The following WIF1 variants were observed in gnomAD, a reference collection of about 807,000 sequenced individuals.
The protein encoded by WIF1 is Wnt inhibitory factor 1.
In WIF1, 35 loss-of-function variants were observed where a neutral mutation model predicts 53.5. That is an observed-to-expected ratio of 0.65 (90% CI 0.50 to 0.87). The LOEUF is 0.87. Among genes scored for constraint, WIF1 ranks in the 40% least tolerant of loss-of-function variants. WIF1 has a pLI of 0.00. For missense variants in WIF1, 467 were observed against 476.8 expected (o/e 0.98, Z 0.19); for synonymous variants, 171 against 170.4 (o/e 1.00, Z -0.03).
intron 3 of WIF1, among the ~76,000 whole-genome samples, chr12:65,073,456 G>A (rs1882812865): frequency 6.6e-6 from 1 of 152,144 alleles, no homozygotes; most frequent in Admixed American, 6.5e-5. Flanking sequence ...TCATGAAACT[G>A]TTTTTTGTTA....
intron 2 of WIF1, among the ~76,000 whole-genome samples, chr12:65,087,872 C>T (rs1883064394): frequency 6.6e-6 from 1 of 151,876 alleles, no homozygotes; most frequent in East Asian, 1.9e-4. Flanking sequence ...TTTCAAAGTC[C>T]AAAACTAGTC....
chr12:65,095,437 T>C (rs1883189254), intron 2 of WIF1, among the ~76,000 whole-genome samples: 1 of 152,194 alleles, frequency 6.6e-6, no homozygotes, highest in Non-Finnish European at 1.5e-5. Flanking sequence ...ACATTCATTG[T>C]ACTCATTGCA....
chr12:65,060,912 A>G (rs1392761909), intron 7 of WIF1, among the ~76,000 whole-genome samples: 1 of 152,176 alleles, frequency 6.6e-6, no homozygotes, highest in Admixed American at 6.6e-5. Context: ...GTGGTAAAAC[A>G]AAAAACCAAG....
intron 6 of WIF1, among the ~76,000 whole-genome samples, chr12:65,065,649 C>T (rs934575596): frequency 2.6e-5 from 4 of 152,082 alleles, no homozygotes; most frequent in Non-Finnish European, 4.4e-5. Flanking sequence ...TAAAGAGACA[C>T]TTTTAAAGAA....
At position 65,056,079 on chromosome 12, in the gene WIF1, TTTTACCAATGCA is replaced by T; in HGVS notation, c.862_873del (p.Cys288_Lys291del). On this transcript the variant is annotated inframe_deletion, in exon 8 of 10. Coordinates refer to ENST00000286574, the MANE Select transcript of WIF1 (RefSeq NM_007191.5). ...TAACCTTTGGAACACTTACATTTGC[TTTTACCAATGCA>T]TTTACCTCCATTTCGACAGGGTTGT... is the stretch of plus-strand genomic sequence containing the variant. 1 of 1,614,148 alleles carries T rather than the reference TTTTACCAATGCA, an allele frequency of 6.2e-7. No homozygotes were observed. Among genetic ancestry groups the T allele is most frequent in the Non-Finnish European group, 8.5e-7 (1 of 1,180,000 alleles).
intron 2 of WIF1, among the ~76,000 whole-genome samples, chr12:65,080,705 C>T (rs891811229): frequency 9.9e-5 from 15 of 152,246 alleles, no homozygotes; most frequent in African/African-American, 3.6e-4. Flanking sequence ...AACAATCACA[C>T]AATAAACTTG....
chr12:65,120,798 C>T, intron 1 of WIF1: 2 of 777,894 alleles, frequency 2.6e-6, no homozygotes, highest in Non-Finnish European at 3.8e-6. Context: ...CAAAAAAATG[C>T]CGGGTGCACC....
intron 2 of WIF1, among the ~76,000 whole-genome samples, chr12:65,107,744 C>T (rs1358999288): frequency 1.3e-5 from 2 of 152,196 alleles, no homozygotes; most frequent in African/African-American, 4.8e-5. Context: ...AACAAGGCAT[C>T]CTAATAAGCA....
intron 2 of WIF1, among the ~76,000 whole-genome samples, chr12:65,103,789 G>A (rs899705829): frequency 4.6e-5 from 7 of 152,166 alleles, no homozygotes; most frequent in African/African-American, 1.7e-4. Context: ...GGTGACTAAG[G>A]TGTGACCCTG....
At position 65,077,841 on chromosome 12, in the gene WIF1, TAGA is replaced by T; in HGVS notation, c.299_301del (p.Phe100del). The T allele has an allele frequency of 6.2e-7, 1 of 1,613,572 alleles. No individual in the cohort carries two copies. Among genetic ancestry groups the T allele is most frequent in the Non-Finnish European group, 8.5e-7 (1 of 1,179,694 alleles). ...CAGGGAGCGCAAGGACAGGAATTCA[TAGA>T]AGTATTCTGCCTACAACCAAAGGCA... On this transcript the variant is annotated inframe_deletion, in exon 3 of 10. Coordinates refer to ENST00000286574, the MANE Select transcript of WIF1 (RefSeq NM_007191.5).
chr12:65,087,932 T>C (rs1366886053), intron 2 of WIF1, among the ~76,000 whole-genome samples: 1 of 152,204 alleles, frequency 6.6e-6, no homozygotes, highest in Non-Finnish European at 1.5e-5. Flanking sequence ...AATTTTATTT[T>C]ACACTTTAGA....
At chr12:65,072,431 T>A (rs982771560) in intron 3 of WIF1, among the ~76,000 whole-genome samples, 2 of 152,224 alleles carry the variant, frequency 1.3e-5, no homozygotes, top group Non-Finnish European at 2.9e-5. Context: ...GATTTAATTA[T>A]GGTTTGCATC....
chr12:65,055,197 G>A lies in WIF1; in HGVS notation c.939C>T (p.Gly313=). 6.2e-7 allele frequency: 1 copy of A among 1,613,916 alleles called. No individual in the cohort carries two copies. The highest frequency in any genetic ancestry group is 8.5e-7 in the Non-Finnish European group (1 of 1,179,966). Residue 313 remains glycine, a synonymous_variant, in exon 9 of 10, where the codon GGC becomes GGT. Transcript: ENST00000286574. Reference sequence around the variant, plus strand: ...CATGGCAGGTTCCATGTGCACCACAGCCAGGCTCGCAGACAGCTAGAATCA... The same window carrying A: ...CATGGCAGGTTCCATGTGCACCACAACCAGGCTCGCAGACAGCTAGAATCA... The part of the protein sequence containing the change: ...DLCSKPVCEP[G]CGAHGTCHEP...
chr12:65,088,702 T>G (rs1368140724), intron 2 of WIF1, among the ~76,000 whole-genome samples: 4 of 152,140 alleles, frequency 2.6e-5, no homozygotes, highest in Non-Finnish European at 5.9e-5. Flanking sequence ...TCTTTTTTGA[T>G]GTATACATAG....
chr12:65,069,593 A>G (rs1882742737), intron 3 of WIF1, among the ~76,000 whole-genome samples: 1 of 152,202 alleles, frequency 6.6e-6, no homozygotes, highest in Admixed American at 6.5e-5. Context: ...GTGATGAAAT[A>G]ATCTCATGAA....
chr12:65,077,645 A>AAC, intron 3 of WIF1, 101 bp downstream of exon 3: 2 of 859,720 alleles, frequency 2.3e-6, no homozygotes, highest in East Asian at 5.3e-5. Flanking sequence ...TCTTCAGGAA[A>AAC]ACATTTCATA....
intron 2 of WIF1, among the ~76,000 whole-genome samples, chr12:65,106,373 A>ATATATATATATTTTTTT (rs1555188075): frequency 1.4e-5 from 2 of 142,338 alleles, no homozygotes; most frequent in African/African-American, 5.5e-5. Flanking sequence ...ATATATATAT[A>ATATATATATATTTTTTT]TTTTTTTTTA....
intron 3 of WIF1, among the ~76,000 whole-genome samples, chr12:65,074,759 G>T (rs991292229): frequency 2.6e-4 from 35 of 136,152 alleles, no homozygotes; most frequent in African/African-American, 8.3e-4. Context: ...GGAGGTTGCG[G>T]TGAGTTGAGA....
chr12:65,070,776 G>T (rs1270539021), intron 3 of WIF1, among the ~76,000 whole-genome samples: 4 of 151,946 alleles, frequency 2.6e-5, no homozygotes, highest in Admixed American at 1.3e-4. Flanking sequence ...CCAGAATCTT[G>T]GTATGGAAGA....
Sources: allele counts gnomAD v4.1 joint callset (sites outside exome capture counted in the v4.1 genomes callset), GRCh38; gene constraint gnomAD v4.1.1; transcripts MANE v1.5; gene names NCBI Gene and HGNC (gene_info 2026-07-23, HGNC 2026-07-21).